Variants in TCF20 observed in about 807,000 individuals in gnomAD.
TCF20 encodes the protein transcription factor 20.
In TCF20, 3 loss-of-function variants were observed where a neutral mutation model predicts 148.6. That is an observed-to-expected ratio of 0.02 (90% CI 0.01 to 0.05). The LOEUF (loss-of-function observed/expected upper bound fraction) is 0.05, where lower values mean the gene tolerates loss of function less well. Ranked by LOEUF, TCF20 falls within the 10% of genes least tolerant of loss-of-function variation. The pLI, the probability that TCF20 is intolerant of heterozygous loss-of-function variation, is 1.00. For missense variants in TCF20, 2,350 were observed against 2,429.3 expected (o/e 0.97, Z 0.69); for synonymous variants, 1,049 against 909.5 (o/e 1.15, Z -2.76).
chr22:42,304,709 G>A (rs1927403035), intron 1 of TCF20, among the ~76,000 whole-genome samples: 1 of 151,984 alleles, frequency 6.6e-6, no homozygotes, highest in African/African-American at 2.4e-5. Flanking sequence ...GAGGAGTGAA[G>A]TGACCTGCCC....
intron 3 of TCF20, among the ~76,000 whole-genome samples, chr22:42,179,135 GGGCAGCCATTTT>G (rs1936623384): frequency 6.6e-6 from 1 of 151,790 alleles, no homozygotes; most frequent in Admixed American, 6.6e-5. Context: ...ACGTAAAATG[GGGCAGCCATTTT>G]GGAAAACAGT....
intron 1 of TCF20, among the ~76,000 whole-genome samples, chr22:42,231,656 C>T (rs1923410977): frequency 6.6e-6 from 1 of 152,218 alleles, no homozygotes; most frequent in Non-Finnish European, 1.5e-5. Context: ...TGGCCAGGGA[C>T]TGGTGGCTCA....
intron 1 of TCF20, among the ~76,000 whole-genome samples, chr22:42,329,153 G>A (rs1927926316): frequency 6.6e-6 from 1 of 152,212 alleles, no homozygotes; most frequent in South Asian, 2.1e-4. Context: ...CTCTTCCAGG[G>A]CCAGCACCTT....
chr22:42,219,316 T>C (rs1922111926), intron 1 of TCF20, among the ~76,000 whole-genome samples: 1 of 122,854 alleles, frequency 8.1e-6, no homozygotes, highest in Non-Finnish European at 1.6e-5. Context: ...GCTATGAATG[T>C]GCCAATGTGC....
At chr22:42,161,862 G>A (rs1324407308) in intron 5 of TCF20, among the ~76,000 whole-genome samples, 1 of 151,538 alleles carries the variant, frequency 6.6e-6, no homozygotes. Flanking sequence ...TCGCTCTGTC[G>A]CCTTGGCTCC....
intron 2 of TCF20, among the ~76,000 whole-genome samples, chr22:42,190,883 A>G (rs1937298339): frequency 6.6e-6 from 1 of 152,218 alleles, no homozygotes; most frequent in African/African-American, 2.4e-5. Context: ...ATTATCACAC[A>G]TGGTATGAAC....
In TCF20 at chr22:42,210,354, T is replaced by C. The variant is rs746189864; in HGVS notation, c.4952A>G (p.Asn1651Ser). The part of the protein sequence containing the change: ...CELGAVCTII[N>S]AEEEEQTKLV... The stretch of plus-strand genomic sequence containing the variant: ...TTTGGTCTGTTCTTCTTCCTCAGCA[T>C]TGATGATTGTACAAACGGCTCCAAG... Residue 1651 changes from asparagine (N) to serine (S), a missense_variant, in exon 2 of 6, where the codon AAT becomes AGT. Transcript: ENST00000677622. This position sits in a 1 kb window ranked among gnomAD's most constrained non-coding sequence, Gnocchi z 4.7. 4.3e-6 allele frequency: 7 copies of C among 1,614,098 alleles called. No individual in the cohort carries two copies. The highest frequency in any genetic ancestry group is 1.3e-5 in the African/African-American group (1 of 74,914).
chr22:42,317,375 T>C lies in TCF20; in HGVS notation c.-37+26104A>G, dbSNP rs1186157486. 6.6e-6 allele frequency among the ~76,000 whole-genome samples: 1 copy of C among 152,164 alleles called. No individual in the cohort carries two copies. The highest frequency in any genetic ancestry group is 1.5e-5 in the Non-Finnish European group (1 of 68,034). Reference sequence around the variant, plus strand: ...TCTCCCTAGAGTGCGTGTTTATGTGTGTGGTGGGGAAGGAGGGGCGGCGCT... The same window carrying C: ...TCTCCCTAGAGTGCGTGTTTATGTGCGTGGTGGGGAAGGAGGGGCGGCGCT... On this transcript the variant is annotated intron_variant, in intron 1 of 1. Coordinates refer to the TCF20 transcript ENST00000515426. The surrounding 1 kb of genome is among the most constrained non-coding windows in gnomAD (Gnocchi z 4.2).
At chr22:42,311,322 G>A (rs1927533219) in intron 1 of TCF20, among the ~76,000 whole-genome samples, 1 of 152,216 alleles carries the variant, frequency 6.6e-6, no homozygotes. Flanking sequence ...CAAGGGGACT[G>A]GGGGGAAGGG....
intron 1 of TCF20, among the ~76,000 whole-genome samples, chr22:42,328,247 T>C (rs1328949313): frequency 5.3e-5 from 8 of 151,972 alleles, no homozygotes. Context: ...CCAGCCAGAC[T>C]GGACACAGCC....
At chr22:42,304,549 G>C (rs1927399760) in intron 1 of TCF20, among the ~76,000 whole-genome samples, 1 of 152,194 alleles carries the variant, frequency 6.6e-6, no homozygotes, top group Admixed American at 6.5e-5. Flanking sequence ...CTGCCGCGCA[G>C]AGATCCCCTT....
Position 42,211,665 on chromosome 22 carries a change from G to T in TCF20, c.3641C>A (p.Pro1214Gln). 6.2e-7 allele frequency: 1 copy of T among 1,614,156 alleles called. No individual in the cohort carries two copies. The highest frequency in any genetic ancestry group is 8.5e-7 in the Non-Finnish European group (1 of 1,180,026). Reference sequence around the variant, plus strand: ...TCCATGTCCATCAGTCTCATGGGGCGGCCCATACCTTTTTTGACTGGACAT... The same window carrying T: ...TCCATGTCCATCAGTCTCATGGGGCTGCCCATACCTTTTTTGACTGGACAT... ...PGMSSQKRYG[P>Q]PHETDGHGLA... The change falls in exon 2 of 6, where the codon CCG becomes CAG. Residue 1214 changes from proline (P) to glutamine (Q), a missense_variant. Around this residue, in one of 7 missense-constraint regions of TCF20, gnomAD observed 1,641 missense variants for 1,662.6 expected, o/e 0.99. Transcript: ENST00000677622.
intron 1 of TCF20, among the ~76,000 whole-genome samples, chr22:42,263,619 T>C (rs1225045163): frequency 6.6e-6 from 1 of 152,170 alleles, no homozygotes; most frequent in Non-Finnish European, 1.5e-5. Flanking sequence ...TGTCACCTAT[T>C]TTGGACCAAG....
intron 1 of TCF20, among the ~76,000 whole-genome samples, chr22:42,217,359 C>A (rs773779331): frequency 6.6e-6 from 1 of 152,218 alleles, no homozygotes; most frequent in Non-Finnish European, 1.5e-5. Flanking sequence ...GTCACTCATT[C>A]CCTGGTCATT....
chr22:42,165,569 T>C (rs2147040819), intron 5 of TCF20, among the ~76,000 whole-genome samples: 1 of 152,336 alleles, frequency 6.6e-6, no homozygotes, highest in South Asian at 2.1e-4. Context: ...CCCTCCGCAC[T>C]CCTGGCGAGG....
chr22:42,200,553 G>A (rs1192466480), intron 2 of TCF20, among the ~76,000 whole-genome samples: 1 of 150,638 alleles, frequency 6.6e-6, no homozygotes, highest in African/African-American at 2.4e-5. Flanking sequence ...AGGCCTGGGA[G>A]GATGTTTGAA....
intron 1 of TCF20, among the ~76,000 whole-genome samples, chr22:42,277,358 CATAA>C (rs1336053955): frequency 6.6e-6 from 1 of 152,212 alleles, no homozygotes; most frequent in African/African-American, 2.4e-5. Flanking sequence ...AGAATCATCA[CATAA>C]ATAATCATCT....
chr22:42,241,548 C>T (rs1924402375), intron 1 of TCF20, among the ~76,000 whole-genome samples: 1 of 152,186 alleles, frequency 6.6e-6, no homozygotes, highest in Non-Finnish European at 1.5e-5. Flanking sequence ...GATTAATCGG[C>T]TGGCGCGGTG....
intron 3 of TCF20, among the ~76,000 whole-genome samples, chr22:42,173,097 T>C (rs1220378234): frequency 6.6e-6 from 1 of 150,652 alleles, no homozygotes; most frequent in Non-Finnish European, 1.5e-5. Context: ...GAAAGTAGAA[T>C]TCCCAGCTGT....
Sources: allele counts gnomAD v4.1 joint callset (sites outside exome capture counted in the v4.1 genomes callset), GRCh38; gene constraint gnomAD v4.1.1; regional missense constraint gnomAD v4.1.1; non-coding constraint Gnocchi (gnomAD v3.1); transcripts MANE v1.5; gene names NCBI Gene and HGNC (gene_info 2026-07-23, HGNC 2026-07-21).